The following CTNND2 variants were observed in gnomAD, a reference collection of about 807,000 sequenced individuals.
The protein encoded by CTNND2 is catenin delta-2.
CTNND2 carries 22 observed loss-of-function variants against 144.4 expected under a neutral mutation model. The observed-to-expected ratio is 0.15, with a 90% CI of 0.11 to 0.22. The LOEUF (loss-of-function observed/expected upper bound fraction) is 0.22. Among genes scored for constraint, CTNND2 ranks in the 10% least tolerant of loss-of-function variants. CTNND2 has a pLI of 1.00. For missense variants in CTNND2, 1,353 were observed against 1,618.8 expected (o/e 0.84, Z 2.82); for synonymous variants, 751 against 695.6 (o/e 1.08, Z -1.25).
intron 3 of CTNND2, among the ~76,000 whole-genome samples, chr5:11,500,150 C>G (rs1359578268): frequency 1.3e-5 from 2 of 152,094 alleles, no homozygotes; most frequent in Non-Finnish European, 2.9e-5. Context: ...AAGAAACAGA[C>G]CTTTCCTGTA....
chr5:11,317,698 T>A (rs61502351), intron 9 of CTNND2, among the ~76,000 whole-genome samples: 2,351 of 152,318 alleles, frequency 0.015, 41 homozygotes, highest in African/African-American at 0.053. Flanking sequence ...TATTTTTTTT[T>A]ATAATTGATA....
At chr5:11,561,230 C>T (rs1776661219) in intron 3 of CTNND2, among the ~76,000 whole-genome samples, 1 of 152,174 alleles carries the variant, frequency 6.6e-6, no homozygotes, top group African/African-American at 2.4e-5. Flanking sequence ...AAAGCATCAT[C>T]TGTATAGTGT....
At chr5:11,229,676 A>G (rs899836549) in intron 10 of CTNND2, among the ~76,000 whole-genome samples, 6 of 151,474 alleles carry the variant, frequency 4.0e-5, no homozygotes, top group African/African-American at 1.5e-4. Flanking sequence ...GTGTGTGTAT[A>G]TATATAACTG....
intron 5 of CTNND2, among the ~76,000 whole-genome samples, chr5:11,407,997 G>A (rs1761225736): frequency 6.6e-6 from 1 of 152,086 alleles, no homozygotes; most frequent in African/African-American, 2.4e-5. Flanking sequence ...TGGGAGGCAG[G>A]AGAAGGAGAT....
intron 3 of CTNND2, among the ~76,000 whole-genome samples, chr5:11,548,328 CT>C: frequency 6.6e-6 from 1 of 152,196 alleles, no homozygotes; most frequent in Admixed American, 6.5e-5. Context: ...CCAACAATTA[CT>C]GGTCAAATTC....
At chr5:11,544,671 C>T (rs1356070346) in intron 3 of CTNND2, among the ~76,000 whole-genome samples, 1 of 152,190 alleles carries the variant, frequency 6.6e-6, no homozygotes, top group African/African-American at 2.4e-5. Flanking sequence ...AAACACTTAG[C>T]AAATCAGCAA....
chr5:11,599,910 G>A (rs1359773356), intron 2 of CTNND2, among the ~76,000 whole-genome samples: 3 of 152,116 alleles, frequency 2.0e-5, no homozygotes, highest in Non-Finnish European at 4.4e-5. Context: ...TGGCCATAGA[G>A]TTAATACTTG....
intron 6 of CTNND2, among the ~76,000 whole-genome samples, chr5:11,392,577 G>A (rs1019720483): frequency 2.6e-5 from 4 of 152,252 alleles, no homozygotes; most frequent in East Asian, 3.9e-4. Flanking sequence ...CATGAGAAAC[G>A]TTTCCATTAT....
intron 9 of CTNND2, among the ~76,000 whole-genome samples, chr5:11,247,045 G>T (rs1369423341): frequency 6.6e-6 from 1 of 152,122 alleles, no homozygotes; most frequent in African/African-American, 2.4e-5. Flanking sequence ...TCCCTTTGAC[G>T]GTGGCTGCCT....
intron 12 of CTNND2, among the ~76,000 whole-genome samples, chr5:11,158,404 T>C (rs1397709929): frequency 5.9e-5 from 9 of 152,182 alleles, no homozygotes; most frequent in Non-Finnish European, 1.5e-5. Context: ...CAGAGTACTG[T>C]ATATTTGCCA....
intron 1 of CTNND2, among the ~76,000 whole-genome samples, chr5:11,744,796 G>T (rs1465623155): frequency 1.3e-5 from 2 of 151,922 alleles, no homozygotes; most frequent in Non-Finnish European, 2.9e-5. Flanking sequence ...GCCCAGGCTG[G>T]AGTGCAGTGC....
chr5:11,566,894 T>C (rs150433427), intron 2 of CTNND2, among the ~76,000 whole-genome samples: 51 of 152,200 alleles, frequency 3.4e-4, no homozygotes, highest in Non-Finnish European at 5.1e-4. Context: ...CATCCATTCA[T>C]GTAGATCTGT....
intron 3 of CTNND2, among the ~76,000 whole-genome samples, chr5:11,450,044 C>T (rs61760345): frequency 6.6e-6 from 1 of 152,190 alleles, no homozygotes; most frequent in Non-Finnish European, 1.5e-5. Context: ...GCAAGAAAAG[C>T]CCTTTTCGGA....
At chr5:11,594,333 A>G (rs1389659223) in intron 2 of CTNND2, among the ~76,000 whole-genome samples, 2 of 152,222 alleles carry the variant, frequency 1.3e-5, no homozygotes, top group East Asian at 3.8e-4. Flanking sequence ...AGTTTTTGCC[A>G]TTATAGCAAA....
intron 14 of CTNND2, among the ~76,000 whole-genome samples, chr5:11,108,582 G>C (rs61754609): frequency 0.19 from 29,453 of 152,146 alleles, 3,318 homozygotes; most frequent in Non-Finnish European, 0.26. Context: ...TGAATTGATA[G>C]GTTTGTCTCC....
chr5:11,533,022 T>C (rs1305887926), intron 3 of CTNND2, among the ~76,000 whole-genome samples: 2 of 152,188 alleles, frequency 1.3e-5, no homozygotes, highest in South Asian at 2.1e-4. Flanking sequence ...TAGTGGAAAC[T>C]TGAACACCAG....
intron 11 of CTNND2, among the ~76,000 whole-genome samples, chr5:11,164,193 A>T (rs1759072842): frequency 6.6e-6 from 1 of 152,060 alleles, no homozygotes; most frequent in Admixed American, 6.6e-5. Flanking sequence ...CCACCTGGAT[A>T]ATCCAGGATA....
intron 12 of CTNND2, among the ~76,000 whole-genome samples, chr5:11,156,831 G>GA (rs1758262176): frequency 6.6e-6 from 1 of 152,198 alleles, no homozygotes; most frequent in South Asian, 2.1e-4. Context: ...AAAGAAGGGA[G>GA]AGGGAGAAGA....
chr5:11,248,590 T>C (rs1274201775), intron 9 of CTNND2, among the ~76,000 whole-genome samples: 2 of 152,200 alleles, frequency 1.3e-5, no homozygotes, highest in African/African-American at 2.4e-5. Context: ...TAGGTAACCA[T>C]ACCACTTGAC....
Sources: allele counts gnomAD v4.1 joint callset (sites outside exome capture counted in the v4.1 genomes callset), GRCh38; gene constraint gnomAD v4.1.1; transcripts MANE v1.5; gene names NCBI Gene and HGNC (gene_info 2026-07-23, HGNC 2026-07-21).